CELF2: variants seen among roughly 807,000 people sequenced by gnomAD.
CELF2 encodes the protein CUG triplet repeat RNA-binding protein 2.
Under a neutral mutation model 62.6 loss-of-function variants are expected in CELF2, and 8 were observed. That is an observed-to-expected ratio of 0.13 (90% CI 0.07 to 0.23). The LOEUF is 0.23. Among genes scored for constraint, CELF2 ranks in the 10% least tolerant of loss-of-function variants. The pLI is 1.00. For synonymous variants in CELF2, 258 were observed against 250.0 expected (o/e 1.03, Z -0.30); for missense variants, 333 against 671.0 (o/e 0.50, Z 5.56).
chr10:10,670,277 C>G, the CELF2 span, among the ~76,000 whole-genome samples: 1 of 152,198 alleles, frequency 6.6e-6, no homozygotes, highest in East Asian at 1.9e-4. Context: ...CAGCCCCAAT[C>G]TGAGTTTCCA....
chr10:11,077,556 T>C (rs2773495), intron 1 of CELF2, among the ~76,000 whole-genome samples: 49,590 of 152,106 alleles, frequency 0.33, 8,798 homozygotes, highest in African/African-American at 0.43. Flanking sequence ...GCTTTTGTCT[T>C]CTGGAAAATG....
intron 1 of CELF2, among the ~76,000 whole-genome samples, chr10:11,024,268 A>C (rs1398397732): frequency 6.6e-6 from 1 of 152,156 alleles, no homozygotes; most frequent in Non-Finnish European, 1.5e-5. Context: ...TAGTGCTTTA[A>C]AGGTAGGAGT....
rs1293479473 is a variant in CELF2 at position 10,995,644 on chromosome 10, C to T, written c.89+75645C>T. ...GACTTCATCTTAGGGTAGGGGACAC[C>T]TTCAAAGAGTTGTAAGCGGGAGACA... On this transcript the variant is annotated intron_variant, in intron 2 of 13. Transcript: ENST00000636488. The surrounding 1 kb of genome is among the most constrained non-coding windows in gnomAD (Gnocchi z 4.7). 6.6e-6 allele frequency among the ~76,000 whole-genome samples: 1 copy of T among 152,140 alleles called. No individual in the cohort carries two copies. Among genetic ancestry groups the T allele is most frequent in the Non-Finnish European group, 1.5e-5 (1 of 68,026 alleles).
chr10:11,072,352 A>G (rs934721002), intron 1 of CELF2, among the ~76,000 whole-genome samples: 4 of 152,178 alleles, frequency 2.6e-5, no homozygotes, highest in East Asian at 1.9e-4. Flanking sequence ...TGATGTCACT[A>G]TGTGAGACTC....
the CELF2 span, among the ~76,000 whole-genome samples, chr10:10,553,703 G>A: frequency 1.3e-5 from 2 of 152,196 alleles, no homozygotes; most frequent in Non-Finnish European, 2.9e-5. Context: ...GGGTCTGAGT[G>A]ATGAGCTGAA....
At chr10:10,795,141 G>A (rs1413983045), upstream of CELF2, among the ~76,000 whole-genome samples, 1 of 151,970 alleles carries the variant, frequency 6.6e-6, no homozygotes, top group Non-Finnish European at 1.5e-5. Flanking sequence ...GAAGGGGGAG[G>A]GAGATCACAG....
chr10:10,578,786 C>G, the CELF2 span, among the ~76,000 whole-genome samples: 47 of 152,274 alleles, frequency 3.1e-4, no homozygotes, highest in Admixed American at 7.9e-4. Flanking sequence ...TGGGTCCACA[C>G]CCTCTCTAGG....
chr10:10,836,800 T>A (rs1016960376), intron 1 of CELF2, among the ~76,000 whole-genome samples: 1 of 152,164 alleles, frequency 6.6e-6, no homozygotes, highest in African/African-American at 2.4e-5. Flanking sequence ...CACGCCCGGC[T>A]AATTTTTTGT....
the CELF2 span, among the ~76,000 whole-genome samples, chr10:10,712,062 T>C: frequency 6.9e-6 from 1 of 144,702 alleles, no homozygotes; most frequent in Non-Finnish European, 1.5e-5. Flanking sequence ...GAGCCACTTT[T>C]CCCTGAATTT....
Position 10,933,421 on chromosome 10 carries a change from C to A in CELF2, c.89+13422C>A, listed in dbSNP as rs144540992. Among the ~76,000 whole-genome samples, 272 of 152,304 alleles carry A rather than the reference C, an allele frequency of 1.8e-3. 1 individual carries two copies. Among genetic ancestry groups the A allele is most frequent in the African/African-American group, 6.1e-3 (253 of 41,560 alleles). On this transcript the variant is annotated intron_variant, in intron 2 of 13. Transcript: ENST00000636488. ...TATTTAGCATATCTGTCATCTCATA[C>A]AATTATCATTTCTTTGTTGTGAGAG...
chr10:10,532,545 C>T, the CELF2 span, among the ~76,000 whole-genome samples: 1 of 152,196 alleles, frequency 6.6e-6, no homozygotes, highest in Non-Finnish European at 1.5e-5. Flanking sequence ...ATAAAGTTTT[C>T]TGTGATTATA....
At chr10:10,582,661 A>G in the CELF2 span, among the ~76,000 whole-genome samples, 2 of 152,034 alleles carry the variant, frequency 1.3e-5, no homozygotes, top group African/African-American at 2.4e-5. Flanking sequence ...ATTGTTGAGT[A>G]CTCTTCATAT....
chr10:10,605,534 C>T, the CELF2 span, among the ~76,000 whole-genome samples: 3 of 152,228 alleles, frequency 2.0e-5, no homozygotes, highest in African/African-American at 7.2e-5. Flanking sequence ...AATACGATTA[C>T]TCTTTTGGTT....
At chr10:10,573,529 A>G in the CELF2 span, among the ~76,000 whole-genome samples, 1 of 152,176 alleles carries the variant, frequency 6.6e-6, no homozygotes, top group African/African-American at 2.4e-5. Context: ...ATCTGTACCA[A>G]AGAGATGCAG....
chr10:10,909,858 G>GAC (rs370962992), intron 1 of CELF2, among the ~76,000 whole-genome samples: 13,499 of 152,218 alleles, frequency 0.089, 1,285 homozygotes, highest in African/African-American at 0.24. Flanking sequence ...CATGAAAGAG[G>GAC]GGGCTCATGT....
chr10:10,600,760 A>G, the CELF2 span, among the ~76,000 whole-genome samples: 1 of 152,246 alleles, frequency 6.6e-6, no homozygotes, highest in Admixed American at 6.5e-5. Context: ...GTCAAGCTCA[A>G]TACATAAATT....
chr10:11,203,724 A>G (rs2059795068), intron 2 of CELF2, among the ~76,000 whole-genome samples: 1 of 152,238 alleles, frequency 6.6e-6, no homozygotes, highest in South Asian at 2.1e-4. Flanking sequence ...TTTCAGAATT[A>G]CAATGTGACT....
chr10:10,965,924 A>G (rs929394540), intron 2 of CELF2, among the ~76,000 whole-genome samples: 14 of 152,200 alleles, frequency 9.2e-5, no homozygotes, highest in Admixed American at 5.2e-4. Context: ...GATGTTTGGA[A>G]CTCAAGTGTG....
At chr10:11,168,718 C>A (rs2067952948) in intron 2 of CELF2, among the ~76,000 whole-genome samples, 1 of 152,142 alleles carries the variant, frequency 6.6e-6, no homozygotes, top group African/African-American at 2.4e-5. Flanking sequence ...ACCTAATAAT[C>A]CTGGTGAATT....
Sources: gnomAD v4.1 joint callset for allele counts (sites outside exome capture counted in the v4.1 genomes callset) on GRCh38, gnomAD v4.1.1 for gene constraint, Gnocchi (gnomAD v3.1) non-coding constraint, MANE v1.5 for transcripts, NCBI Gene and HGNC (gene_info 2026-07-23, HGNC 2026-07-21) for gene names.